Variants in SULF1 observed in about 807,000 individuals in gnomAD.
SULF1 encodes the protein sulfatase 1.
A neutral mutation model predicts 110.5 loss-of-function variants in SULF1; 46 were observed. That is an observed-to-expected ratio of 0.42 (90% CI 0.33 to 0.53). SULF1 has a LOEUF of 0.53. SULF1 is among the 20% of genes least tolerant of loss of function. SULF1 has a pLI of 0.12. For missense variants in SULF1, 941 were observed against 1,094.2 expected (o/e 0.86, Z 1.98); for synonymous variants, 371 against 387.1 (o/e 0.96, Z 0.49).
intron 22 of SULF1, among the ~76,000 whole-genome samples, chr8:69,649,343 A>G (rs759752782): frequency 2.6e-5 from 4 of 152,136 alleles, no homozygotes; most frequent in Non-Finnish European, 5.9e-5. Context: ...CTTTATATAT[A>G]AATGCTTTAG....
rs149940641 is a variant in SULF1, at chr8:69,599,974, G to T, written c.735-629G>T. ...AGAAATTATTCCCTGCACCTATATT[G>T]ATTTGTTTATTAAACGAATAGCTTT... On this transcript the variant is annotated intron_variant, in intron 8 of 22. Transcript: ENST00000402687. Among the ~76,000 whole-genome samples, 12 of 152,236 alleles carry T rather than the reference G, an allele frequency of 7.9e-5. No homozygotes were observed. The East Asian group carries it at 2.1e-3, about 27-fold the overall frequency.
Position 69,629,569 on chromosome 8 carries a change from A to AGGAGAGGAAGGAGAAGAGACG in SULF1, c.2176_2196dup (p.Glu726_Arg732dup). On this transcript the variant is annotated inframe_insertion, in exon 19 of 23. Coordinates refer to ENST00000402687, the MANE Select transcript of SULF1 (RefSeq NM_001128205.2). ...AAGGAGAACAACCGTAGGAGGAAGAAGGAGAGGAAGGAGAAGAGACGGCAG... is the reference window on the plus strand; with the variant it reads ...AAGGAGAACAACCGTAGGAGGAAGAAGGAGAGGAAGGAGAAGAGACGGGAGAGGAAGGAGAAGAGACGGCAG... 6.2e-7 allele frequency: 1 copy of AGGAGAGGAAGGAGAAGAGACG among 1,614,102 alleles called. No homozygotes were observed. The highest frequency in any genetic ancestry group is 2.2e-5 in the East Asian group (1 of 44,884).
chr8:69,535,187 G>T (rs1013628052), intron 3 of SULF1, among the ~76,000 whole-genome samples: 1 of 152,228 alleles, frequency 6.6e-6, no homozygotes, highest in Non-Finnish European at 1.5e-5. Flanking sequence ...CTGCTGTGGA[G>T]AGCTCCATAT....
chr8:69,627,401 T>C, intron 16 of SULF1, 95 bp downstream of exon 16: 1 of 817,872 alleles, frequency 1.2e-6, no homozygotes, highest in Non-Finnish European at 2.0e-6. Flanking sequence ...CAGATACACA[T>C]CATCTATAAT....
Position 69,624,319 on chromosome 8 carries a change from C to T in SULF1, c.1850+122C>T. On this transcript the variant is annotated intron_variant, in intron 15 of 22. Coordinates refer to ENST00000402687, the MANE Select transcript of SULF1 (RefSeq NM_001128205.2). ...CACTTGGCAATACAGTGCCTGAGGG[C>T]TGGCCTATGTAGCAACTGGGGGTTA... 3.0e-6 allele frequency: 4 copies of T among 1,333,012 alleles called. No individual in the cohort carries two copies. The South Asian group carries it at 6.3e-5, about 21-fold the overall frequency. The allele number at this position is 1,333,012 out of a possible 1,614,324, so 82.6% of individuals were successfully genotyped here. A position where few individuals can be genotyped will look rare whatever the true frequency, so the allele number is the denominator to read the frequency against.
At chr8:69,633,383 C>T (rs1283587259) in intron 19 of SULF1, among the ~76,000 whole-genome samples, 1 of 148,046 alleles carries the variant, frequency 6.8e-6, no homozygotes, top group African/African-American at 2.5e-5. Flanking sequence ...GGCTGGAGTG[C>T]AATGGTGCGT....
chr8:69,564,176 T>C, intron 5 of SULF1, 29 bp downstream of exon 5: 1 of 1,608,124 alleles, frequency 6.2e-7, no homozygotes, highest in Non-Finnish European at 8.5e-7. Context: ...CACTTGTTAG[T>C]CTCTTTTGTT....
intron 2 of SULF1, among the ~76,000 whole-genome samples, chr8:69,498,113 CCACA>C (rs71257190): frequency 0.052 from 7,751 of 148,646 alleles, 410 homozygotes; most frequent in African/African-American, 0.14. Context: ...CTCTCTCTCT[CCACA>C]CACACACACA....
chr8:69,619,779 G>C (rs548387893), intron 13 of SULF1, among the ~76,000 whole-genome samples: 3 of 152,324 alleles, frequency 2.0e-5, no homozygotes, highest in South Asian at 4.1e-4. Context: ...CCTGATGAGA[G>C]GGGGAGCACG....
chr8:69,547,381 A>G (rs1814344779), intron 3 of SULF1, among the ~76,000 whole-genome samples: 7 of 152,240 alleles, frequency 4.6e-5, no homozygotes, highest in Admixed American at 4.6e-4. Flanking sequence ...ACCTAAGCAT[A>G]GGAAAAATCT....
At chr8:69,623,821 T>C (rs1178076266) in intron 14 of SULF1, 121 bp from the exon 15 acceptor site, 1 of 1,184,780 alleles carries the variant, frequency 8.4e-7, no homozygotes, top group Non-Finnish European at 1.2e-6. Context: ...ACGATGCCAC[T>C]CAGCAATGCA....
At chr8:69,629,716 A>G (rs1367134594) in intron 19 of SULF1, 37 bp downstream of exon 19, 1 of 1,535,390 alleles carries the variant, frequency 6.5e-7, no homozygotes, top group Non-Finnish European at 8.8e-7. Flanking sequence ...TCCTGCCGCC[A>G]TGCAGAGACA....
chr8:69,501,526 C>G (rs1810797181), intron 2 of SULF1, among the ~76,000 whole-genome samples: 1 of 152,192 alleles, frequency 6.6e-6, no homozygotes, highest in Admixed American at 6.5e-5. Flanking sequence ...TGAAATTAGA[C>G]AGCACTCAAC....
rs1434375374 is a variant in SULF1 at position 69,658,618 on chromosome 8, C to A, written c.*83C>A. 1 of 1,124,086 alleles carries A rather than the reference C, an allele frequency of 8.9e-7. No individual in the cohort carries two copies. The highest frequency in any genetic ancestry group is 1.7e-5 in the Admixed American group (1 of 58,556). The allele number at this position is 1,124,086 out of a possible 1,614,324, so 69.6% of individuals were successfully genotyped here. On this transcript the variant is annotated 3_prime_UTR_variant, in exon 23 of 23. Transcript: ENST00000402687. The stretch of plus-strand genomic sequence containing the variant: ...GAATGAAAACATCTATGAGTACAGA[C>A]AAAACTACAGACTTAGTCTGGTGGA...
chr8:69,610,840 A>G (rs1333722722), intron 13 of SULF1, among the ~76,000 whole-genome samples: 2 of 152,086 alleles, frequency 1.3e-5, no homozygotes, highest in Non-Finnish European at 2.9e-5. Context: ...TAAATGTTAC[A>G]TGTGAATCCC....
intron 3 of SULF1, among the ~76,000 whole-genome samples, chr8:69,522,478 T>C (rs921655958): frequency 2.0e-5 from 3 of 152,220 alleles, no homozygotes; most frequent in Admixed American, 1.3e-4. Context: ...GAGTTTGAGA[T>C]GTCTGTTAGA....
Position 69,621,160 on chromosome 8 carries a change from C to G in SULF1, c.1503C>G (p.Asp501Glu), listed in dbSNP as rs764687749. The change falls in exon 14 of 23, where the codon GAC (aspartate) becomes GAG (glutamate). Residue 501 changes from aspartate (D) to glutamate (E), a missense_variant. Around this residue, in one of 3 missense-constraint regions of SULF1, gnomAD observed 822 missense variants for 934.3 expected, o/e 0.88. Transcript: ENST00000402687. ...ACGCTCGCGGCTTCCATGACAAAGA[C>G]AAAGAGTGCAGTTGTAGGGAGTCTG... is the stretch of plus-strand genomic sequence containing the variant. ...NLYARGFHDK[D>E]KECSCRESGY... is the part of the protein sequence containing the mutation. The G allele has an allele frequency of 6.2e-7, 1 of 1,614,164 alleles. No individual in the cohort carries two copies.
At chr8:69,481,666 T>C (rs1195724353) in intron 1 of SULF1, among the ~76,000 whole-genome samples, 1 of 152,170 alleles carries the variant, frequency 6.6e-6, no homozygotes, top group Non-Finnish European at 1.5e-5. Flanking sequence ...CGCCATTGTG[T>C]CCATGTGTTC....
chr8:69,538,660 T>C (rs527710424), intron 3 of SULF1, among the ~76,000 whole-genome samples: 3 of 152,238 alleles, frequency 2.0e-5, no homozygotes, highest in East Asian at 3.9e-4. Context: ...TAGTCTTTTT[T>C]CTTTTTGCAA....
Sources: allele counts gnomAD v4.1 joint callset (sites outside exome capture counted in the v4.1 genomes callset), GRCh38; gene constraint gnomAD v4.1.1; regional missense constraint gnomAD v4.1.1; transcripts MANE v1.5; gene names NCBI Gene and HGNC (gene_info 2026-07-23, HGNC 2026-07-21).